The following UST variants were observed in gnomAD, a reference collection of about 807,000 sequenced individuals.
The protein encoded by UST is chondroitin sulfate 2-O-sulfotransferase.
Under a neutral mutation model 45.6 loss-of-function variants are expected in UST, and 21 were observed. The ratio of observed to expected loss-of-function variants is 0.46; its 90% CI spans 0.33 to 0.66. The LOEUF (loss-of-function observed/expected upper bound fraction) is 0.66. UST is among the 30% of genes least tolerant of loss of function. UST has a pLI of 0.02. For synonymous variants in UST, 215 were observed against 200.6 expected, an observed-to-expected ratio of 1.07 and a Z score of -0.61; for missense variants, 463 against 512.4, an observed-to-expected ratio of 0.90 and a Z score of 0.93.
chr6:148,939,618 A>AAG (rs1440038304), intron 2 of UST, among the ~76,000 whole-genome samples: 2 of 152,216 alleles, frequency 1.3e-5, no homozygotes, highest in Non-Finnish European at 2.9e-5. Flanking sequence ...AAAGAATAGA[A>AAG]AGAGGAGTCT....
intron 5 of UST, among the ~76,000 whole-genome samples, chr6:148,969,416 G>A (rs1184320607): frequency 6.6e-6 from 1 of 152,172 alleles, no homozygotes; most frequent in Non-Finnish European, 1.5e-5. Flanking sequence ...AAGATAAGGT[G>A]TATTTATATT....
At chr6:148,839,444 A>T (rs983234791) in intron 1 of UST, among the ~76,000 whole-genome samples, 81 of 152,200 alleles carry the variant, frequency 5.3e-4, no homozygotes, top group African/African-American at 1.8e-3. Context: ...TTTATATAGA[A>T]TGAGGTTTTG....
At chr6:148,792,042 G>C (rs994260235) in intron 1 of UST, among the ~76,000 whole-genome samples, 5 of 152,186 alleles carry the variant, frequency 3.3e-5, no homozygotes, top group Non-Finnish European at 7.3e-5. Flanking sequence ...AAAATCCTCA[G>C]AGGAAGCGGG....
intron 1 of UST, among the ~76,000 whole-genome samples, chr6:148,826,045 C>T (rs1582835664): frequency 6.6e-6 from 1 of 152,214 alleles, no homozygotes; most frequent in East Asian, 1.9e-4. Flanking sequence ...AAGATTGGGA[C>T]CTGGAAATCA....
At chr6:148,868,217 T>C (rs1232918652) in intron 1 of UST, among the ~76,000 whole-genome samples, 1 of 152,248 alleles carries the variant, frequency 6.6e-6, no homozygotes, top group Non-Finnish European at 1.5e-5. Context: ...TGTTTTCTGC[T>C]GTTGGGGAAA....
intron 2 of UST, among the ~76,000 whole-genome samples, chr6:148,930,723 C>T (rs951661896): frequency 5.9e-5 from 9 of 152,100 alleles, no homozygotes; most frequent in Non-Finnish European, 1.0e-4. Context: ...GGAAGTTACA[C>T]GGTGCAGGGA....
chr6:149,001,116 G>T (rs1349213059), intron 5 of UST, among the ~76,000 whole-genome samples: 1 of 147,590 alleles, frequency 6.8e-6, no homozygotes, highest in Non-Finnish European at 1.5e-5. Flanking sequence ...CTGTCACCCA[G>T]GCTGGGGTGC....
At chr6:148,905,535 G>A (rs1779339935) in intron 2 of UST, among the ~76,000 whole-genome samples, 1 of 152,166 alleles carries the variant, frequency 6.6e-6, no homozygotes, top group Non-Finnish European at 1.5e-5. Flanking sequence ...CTCCCCATTG[G>A]CTCCCTTCCC....
At chr6:148,762,272 C>T (rs1189772720) in intron 1 of UST, among the ~76,000 whole-genome samples, 1 of 152,186 alleles carries the variant, frequency 6.6e-6, no homozygotes, top group Admixed American at 6.5e-5. Flanking sequence ...TTTTGGGTCT[C>T]ATAAGATGAT....
At chr6:149,000,606 A>G (rs1008669745) in intron 5 of UST, among the ~76,000 whole-genome samples, 2 of 152,210 alleles carry the variant, frequency 1.3e-5, no homozygotes. Context: ...AGCAAAATCT[A>G]GTACTGGAAT....
At position 148,751,193 on chromosome 6, in the gene UST, A is replaced by G. The variant is rs114609520; in HGVS notation, c.247+3516A>G. 5.7e-3 allele frequency among the ~76,000 whole-genome samples: 869 copies of G among 152,366 alleles called. 11 individuals are homozygous for G. The highest frequency in any genetic ancestry group is 0.02 in the African/African-American group (837 of 41,584). ...GGCGGGGTGGGTAGATTTATAAAGT[A>G]TTTAAAGGTACTTTAATACTTTAAA... On this transcript the variant is annotated intron_variant, in intron 1 of 7. Coordinates refer to ENST00000367463, the MANE Select transcript of UST (RefSeq NM_005715.3).
At chr6:149,058,637 A>G (rs978229866) in intron 7 of UST, among the ~76,000 whole-genome samples, 1 of 152,358 alleles carries the variant, frequency 6.6e-6, no homozygotes, top group African/African-American at 2.4e-5. Context: ...TCTGGCCTTC[A>G]TAATACGATT....
intron 7 of UST, among the ~76,000 whole-genome samples, chr6:149,049,921 T>TCACACACACACACACACACA (rs1392198421): frequency 9.9e-6 from 1 of 101,368 alleles, no homozygotes; most frequent in African/African-American, 4.3e-5. Context: ...TCTCTCTCTC[T>TCACACACACACACACACACA]CTCTCTCTCT....
rs1037420778 is a variant in UST at position 148,910,150 on chromosome 6, T to G, written c.291+23121T>G. Among the ~76,000 whole-genome samples, 985 of 148,872 alleles carry G rather than the reference T, an allele frequency of 6.6e-3. 12 individuals carry two copies. The highest frequency in any genetic ancestry group is 0.023 in the African/African-American group (928 of 40,442). On this transcript the variant is annotated intron_variant, in intron 2 of 7. Coordinates refer to ENST00000367463, the MANE Select transcript of UST (RefSeq NM_005715.3). Reference sequence around the variant, plus strand: ...CCTGGGATGCTTTTTTTTTTTTTTTTTTTTTTTGAGACAGAGTTTCACTCT... The same window carrying G: ...CCTGGGATGCTTTTTTTTTTTTTTTGTTTTTTTGAGACAGAGTTTCACTCT...
At chr6:148,765,414 G>A (rs776803511) in intron 1 of UST, among the ~76,000 whole-genome samples, 4 of 152,106 alleles carry the variant, frequency 2.6e-5, no homozygotes, top group South Asian at 2.1e-4. Context: ...CTCCAGCTTT[G>A]TTCTTTTTGC....
At chr6:148,891,180 C>A (rs573321668) in intron 2 of UST, among the ~76,000 whole-genome samples, 1 of 152,126 alleles carries the variant, frequency 6.6e-6, no homozygotes, top group Non-Finnish European at 1.5e-5. Context: ...GCTTCAGTGC[C>A]GTGGCCTCTG....
intron 2 of UST, among the ~76,000 whole-genome samples, chr6:148,902,389 G>C (rs977465533): frequency 2.7e-5 from 4 of 149,834 alleles, no homozygotes; most frequent in African/African-American, 9.7e-5. Flanking sequence ...ACCATGCCTG[G>C]CTAATTTTTT....
chr6:149,043,601 C>T (rs934132074), intron 7 of UST, among the ~76,000 whole-genome samples: 1 of 152,254 alleles, frequency 6.6e-6, no homozygotes, highest in Non-Finnish European at 1.5e-5. Context: ...CTGGTGGGAG[C>T]CTTGATGTGG....
chr6:149,053,319 T>A (rs906878181), intron 7 of UST, among the ~76,000 whole-genome samples: 1 of 152,216 alleles, frequency 6.6e-6, no homozygotes, highest in Non-Finnish European at 1.5e-5. Flanking sequence ...CTTGTTAGTC[T>A]GTTAAAAAGA....
Sources: allele counts gnomAD v4.1 joint callset (sites outside exome capture counted in the v4.1 genomes callset), GRCh38; gene constraint gnomAD v4.1.1; transcripts MANE v1.5; gene names NCBI Gene and HGNC (gene_info 2026-07-23, HGNC 2026-07-21).